KLF12: variants seen among roughly 807,000 people sequenced by gnomAD.
KLF12 encodes KLF transcription factor 12.
KLF12 carries 9 observed loss-of-function variants against 37.8 expected under a neutral mutation model. The observed-to-expected ratio is 0.24, with a 90% CI of 0.14 to 0.42. The LOEUF is 0.42. KLF12 is among the 10% of genes least tolerant of loss of function. The pLI is 1.00. For missense variants in KLF12, 411 were observed against 516.0 expected (o/e 0.80, Z 1.97); for synonymous variants, 208 against 202.1 (o/e 1.03, Z -0.25).
At chr13:74,278,454 ACT>A in the KLF12 span, among the ~76,000 whole-genome samples, 10 of 151,434 alleles carry the variant, frequency 6.6e-5, no homozygotes, top group African/African-American at 2.4e-4. Flanking sequence ...TTCAGCAACA[ACT>A]CTCTTTCCTT....
chr13:74,237,340 C>A, the KLF12 span, among the ~76,000 whole-genome samples: 68 of 143,874 alleles, frequency 4.7e-4, no homozygotes, highest in African/African-American at 1.8e-3. Flanking sequence ...TTTTGGTTAC[C>A]GTAGCCTTGT....
At chr13:73,902,318 T>C (rs148407532) in intron 3 of KLF12, among the ~76,000 whole-genome samples, 225 of 152,316 alleles carry the variant, frequency 1.5e-3, no homozygotes, top group African/African-American at 4.4e-3. Context: ...TTCTCAGTCA[T>C]TTTACACACC....
chr13:73,832,853 G>A (rs113582576), intron 4 of KLF12, among the ~76,000 whole-genome samples: 4,325 of 152,240 alleles, frequency 0.028, 84 homozygotes, highest in African/African-American at 0.044. Flanking sequence ...ACCATTATCA[G>A]CTTTTAAATC....
intron 2 of KLF12, among the ~76,000 whole-genome samples, chr13:73,992,989 T>G (rs188378245): frequency 9.9e-5 from 15 of 152,282 alleles, no homozygotes; most frequent in African/African-American, 3.6e-4. Context: ...CCCAACACAT[T>G]GGGAGGCCAA....
the KLF12 span, among the ~76,000 whole-genome samples, chr13:74,252,026 C>A: frequency 6.6e-6 from 1 of 152,152 alleles, no homozygotes; most frequent in Non-Finnish European, 1.5e-5. Context: ...GGGTCTGGGA[C>A]AGGCTGAACT....
At chr13:74,283,193 G>A in the KLF12 span, among the ~76,000 whole-genome samples, 1 of 152,138 alleles carries the variant, frequency 6.6e-6, no homozygotes, top group East Asian at 1.9e-4. Context: ...AATCATCTAA[G>A]CCAGTTTGAA....
chr13:73,774,521 C>T (rs1414314263), intron 5 of KLF12, among the ~76,000 whole-genome samples: 1 of 152,028 alleles, frequency 6.6e-6, no homozygotes, highest in Non-Finnish European at 1.5e-5. Context: ...TTAGTGGACA[C>T]AGTGGGAAAA....
chr13:73,980,117 C>T (rs1055485848), intron 2 of KLF12, among the ~76,000 whole-genome samples: 1 of 152,102 alleles, frequency 6.6e-6, no homozygotes, highest in African/African-American at 2.4e-5. Flanking sequence ...GTTATGCAGC[C>T]CTAGCAAACT....
rs1201169207 is a variant in KLF12, at chr13:73,811,613, GCTGTAT to G, written c.806+1533_806+1538del. Among the ~76,000 whole-genome samples the G allele has an allele frequency of 6.6e-5, 10 of 152,076 alleles. 1 individual carries two copies. Among genetic ancestry groups the G allele is most frequent in the Admixed American group, 5.9e-4 (9 of 15,260 alleles). The stretch of plus-strand genomic sequence containing the variant: ...TGTGACTTACTTTTCACACCTCGTA[GCTGTAT>G]CAAAACCTTCTCAATAGTCCTGTCA... On this transcript the variant is annotated intron_variant, in intron 5 of 7. Coordinates refer to ENST00000377669, the MANE Select transcript of KLF12 (RefSeq NM_007249.5).
the KLF12 span, among the ~76,000 whole-genome samples, chr13:74,243,103 C>T: frequency 6.6e-6 from 1 of 152,130 alleles, no homozygotes; most frequent in Non-Finnish European, 1.5e-5. Flanking sequence ...CTCTCCCTCC[C>T]CTTGTCCCCC....
chr13:74,076,078 T>C (rs1047244040), intron 1 of KLF12, among the ~76,000 whole-genome samples: 2 of 152,206 alleles, frequency 1.3e-5, no homozygotes, highest in African/African-American at 4.8e-5. Context: ...ATTGTGGTGA[T>C]GGTTGCACAA....
At chr13:73,890,664 G>C (rs1887461778) in intron 3 of KLF12, among the ~76,000 whole-genome samples, 1 of 151,708 alleles carries the variant, frequency 6.6e-6, no homozygotes, top group African/African-American at 2.4e-5. Context: ...AATCAGAATG[G>C]AGTCACCTAC....
chr13:73,992,333 T>A (rs2138253210), intron 2 of KLF12, among the ~76,000 whole-genome samples: 1 of 152,336 alleles, frequency 6.6e-6, no homozygotes, highest in Non-Finnish European at 1.5e-5. Context: ...ACAGGAATCT[T>A]TTTAGAATTT....
chr13:74,212,957 A>AT, the KLF12 span, among the ~76,000 whole-genome samples: 1 of 151,908 alleles, frequency 6.6e-6, no homozygotes, highest in African/African-American at 2.4e-5. Context: ...GGTAAAAAAA[A>AT]TAAGAAAGTT....
the KLF12 span, among the ~76,000 whole-genome samples, chr13:74,302,009 C>A: frequency 1.3e-5 from 2 of 152,108 alleles, no homozygotes; most frequent in African/African-American, 4.8e-5. Context: ...ATTTCAATGA[C>A]AAATAACCTC....
At chr13:74,022,198 C>A (rs1892858645) in intron 1 of KLF12, among the ~76,000 whole-genome samples, 1 of 152,078 alleles carries the variant, frequency 6.6e-6, no homozygotes, top group African/African-American at 2.4e-5. Flanking sequence ...AATAACACCA[C>A]AGGCACAACC....
chr13:73,696,966 C>T (rs572644762), intron 7 of KLF12, among the ~76,000 whole-genome samples: 1 of 152,220 alleles, frequency 6.6e-6, no homozygotes, highest in African/African-American at 2.4e-5. Flanking sequence ...TTCGTTTAGA[C>T]GCCCTTCTGT....
rs1405743639 is a variant in KLF12 at position 73,693,391 on chromosome 13, G to C, written c.*2099C>G. On this transcript the variant is annotated 3_prime_UTR_variant, in exon 8 of 8. Transcript: ENST00000377669. ...CAGCTAAAGATGCTATTTATCACTA[G>C]AACTGCAGCCCTTGTTGGAGGGAAA... 1.3e-5 allele frequency: 2 copies of C among 152,194 alleles called. No homozygotes were observed. The highest frequency in any genetic ancestry group is 1.5e-5 in the Non-Finnish European group (1 of 68,046). The allele number at this position is 152,194 out of a possible 1,614,324, so 9.4% of individuals were successfully genotyped here.
At chr13:74,144,772 T>C in the KLF12 span, among the ~76,000 whole-genome samples, 1 of 152,190 alleles carries the variant, frequency 6.6e-6, no homozygotes, top group African/African-American at 2.4e-5. Context: ...AGCTGTTATA[T>C]TGAAATATCG....
Sources: allele counts gnomAD v4.1 joint callset (sites outside exome capture counted in the v4.1 genomes callset), GRCh38; gene constraint gnomAD v4.1.1; transcripts MANE v1.5; gene names NCBI Gene and HGNC (gene_info 2026-07-23, HGNC 2026-07-21).